The following LRP1B variants were observed in gnomAD, a reference collection of about 807,000 sequenced individuals.
LRP1B encodes LDL receptor related protein 1B, also known as low-density lipoprotein receptor-related protein 1B.
Under a neutral mutation model 556.6 loss-of-function variants are expected in LRP1B, and 217 were observed. The observed-to-expected ratio is 0.39, with a 90% CI of 0.35 to 0.44. The LOEUF (loss-of-function observed/expected upper bound fraction) is 0.44. LRP1B is among the 20% of genes least tolerant of loss of function. The pLI is 1.00. For synonymous variants in LRP1B, 2,047 were observed against 1,865.8 expected, an observed-to-expected ratio of 1.10 and a Z score of -2.50; for missense variants, 5,053 against 5,620.8, an observed-to-expected ratio of 0.90 and a Z score of 3.23.
In LRP1B at chr2:141,507,463, G is replaced by C. The variant is rs1212676766; in HGVS notation, c.206-26930C>G. On this transcript the variant is annotated intron_variant, in intron 2 of 90. Transcript: ENST00000389484. Reference sequence around the variant, plus strand: ...TATTCAAGCAAAATTATTCATATCTGTGTGAGGAAAGGATATCTAATATAA... The same window carrying C: ...TATTCAAGCAAAATTATTCATATCTCTGTGAGGAAAGGATATCTAATATAA... Among the ~76,000 whole-genome samples, 3 of 152,140 alleles carry C rather than the reference G, an allele frequency of 2.0e-5. No homozygotes were observed. In the East Asian group the frequency reaches 5.8e-4, roughly 29 times the overall value.
At position 140,598,694 on chromosome 2, in the gene LRP1B, C is replaced by G. The variant is rs1682536801; in HGVS notation, c.7131G>C (p.Leu2377=). Reference sequence around the variant, plus strand: ...TTCCTAGACTGCCATCTGAGAAATACAGCTTCTCTGCACGGTAGTCGATAG... The same window carrying G: ...TTCCTAGACTGCCATCTGAGAAATAGAGCTTCTCTGCACGGTAGTCGATAG... ...GLTIDYRAEK[L]YFSDGSLGKI... The change falls in exon 43 of 91, where the codon CTG becomes CTC. Residue 2377 remains leucine (L), a synonymous_variant. Coordinates refer to ENST00000389484, the MANE Select transcript of LRP1B (RefSeq NM_018557.3). 6.2e-7 allele frequency: 1 copy of G among 1,613,656 alleles called. No homozygotes were observed. The highest frequency in any genetic ancestry group is 1.3e-5 in the African/African-American group (1 of 74,888).
chr2:141,177,555 T>G (rs1274024823), intron 7 of LRP1B, among the ~76,000 whole-genome samples: 1 of 152,166 alleles, frequency 6.6e-6, no homozygotes, highest in East Asian at 1.9e-4. Flanking sequence ...CCTGCAGATT[T>G]AAAGAAATAA....
intron 66 of LRP1B, among the ~76,000 whole-genome samples, chr2:140,426,438 T>C (rs953113541): frequency 3.3e-5 from 5 of 152,184 alleles, no homozygotes; most frequent in Admixed American, 2.0e-4. Context: ...CCCTGTGACC[T>C]GCATTTACAC....
At chr2:142,023,049 G>T (rs986399122) in intron 1 of LRP1B, among the ~76,000 whole-genome samples, 4 of 152,116 alleles carry the variant, frequency 2.6e-5, no homozygotes, top group African/African-American at 9.7e-5. Context: ...TACTGCAAAG[G>T]CTCAAACAGC....
intron 6 of LRP1B, among the ~76,000 whole-genome samples, chr2:141,196,864 C>T (rs1269548191): frequency 6.6e-6 from 1 of 152,014 alleles, no homozygotes; most frequent in Non-Finnish European, 1.5e-5. Context: ...ATTAAATTCC[C>T]TGTTTTCTGC....
chr2:141,349,992 T>C (rs990323291), intron 3 of LRP1B, among the ~76,000 whole-genome samples: 3 of 152,084 alleles, frequency 2.0e-5, no homozygotes, highest in African/African-American at 7.2e-5. Context: ...CACACAATCA[T>C]GCCAGAAGGT....
At chr2:141,456,993 G>A (rs868248475) in intron 3 of LRP1B, among the ~76,000 whole-genome samples, 3 of 152,272 alleles carry the variant, frequency 2.0e-5, no homozygotes, top group Admixed American at 6.5e-5. Context: ...TAGTAAGATG[G>A]CTTTTCTGAC....
chr2:141,673,926 TTAAAAATA>T (rs1253091288), intron 2 of LRP1B, among the ~76,000 whole-genome samples: 1 of 151,932 alleles, frequency 6.6e-6, no homozygotes, highest in African/African-American at 2.4e-5. Flanking sequence ...AGCTGCAAAT[TTAAAAATA>T]ATACCCTTAA....
chr2:140,923,901 A>T (rs1203055866), intron 20 of LRP1B, among the ~76,000 whole-genome samples: 1 of 152,042 alleles, frequency 6.6e-6, no homozygotes, highest in African/African-American at 2.4e-5. Context: ...TGGGATACAG[A>T]TGTTTGGCAG....
intron 1 of LRP1B, among the ~76,000 whole-genome samples, chr2:141,856,690 A>AT (rs1369548970): frequency 1.3e-5 from 2 of 152,268 alleles, no homozygotes; most frequent in Non-Finnish European, 2.9e-5. Flanking sequence ...GGTGATGCAC[A>AT]TTAGAAGAGA....
At position 140,627,799 on chromosome 2, in the gene LRP1B, T is replaced by C. The variant is rs781705698; in HGVS notation, c.6800-26160A>G. ...GAGTAAGGAGGAAAAATCATGAAAT[T>C]GGTATCTGTAAGACACTCTTTGCCA... is the stretch of plus-strand genomic sequence containing the variant. On this transcript the variant is annotated intron_variant, in intron 41 of 90. Coordinates refer to ENST00000389484, the MANE Select transcript of LRP1B (RefSeq NM_018557.3). Among the ~76,000 whole-genome samples the C allele has an allele frequency of 6.7e-4, 102 of 152,192 alleles. 1 individual carries two copies. The highest frequency in any genetic ancestry group is 1.6e-4 in the Non-Finnish European group (11 of 68,042).
chr2:141,776,728 G>A (rs1695090987), intron 2 of LRP1B, among the ~76,000 whole-genome samples: 1 of 152,188 alleles, frequency 6.6e-6, no homozygotes, highest in Non-Finnish European at 1.5e-5. Context: ...ACAGTATCTA[G>A]AGGGATGGTA....
chr2:141,998,687 T>G (rs1340928998), intron 1 of LRP1B, among the ~76,000 whole-genome samples: 2 of 152,006 alleles, frequency 1.3e-5, no homozygotes, highest in East Asian at 3.9e-4. Context: ...TATAAGACAA[T>G]CAATACACAT....
At chr2:140,928,604 T>C (rs35025241) in intron 20 of LRP1B, among the ~76,000 whole-genome samples, 5,025 of 152,206 alleles carry the variant, frequency 0.033, 92 homozygotes, top group African/African-American at 0.053. Context: ...GGCCCCATCT[T>C]ATTGGTCCCA....
At chr2:140,548,635 A>G (rs1680434147) in intron 43 of LRP1B, among the ~76,000 whole-genome samples, 1 of 152,102 alleles carries the variant, frequency 6.6e-6, no homozygotes, top group South Asian at 2.1e-4. Flanking sequence ...CTATCAAAAT[A>G]TAAATTGTCA....
At chr2:140,793,144 G>T in intron 32 of LRP1B, among the ~76,000 whole-genome samples, 2 of 151,796 alleles carry the variant, frequency 1.3e-5, no homozygotes, top group African/African-American at 4.8e-5. Context: ...TTTAAGTAAG[G>T]CTTTAAACTT....
intron 3 of LRP1B, among the ~76,000 whole-genome samples, chr2:141,441,612 T>C (rs1312046683): frequency 2.6e-5 from 4 of 152,230 alleles, no homozygotes; most frequent in Non-Finnish European, 5.9e-5. Flanking sequence ...TTTAAAAATG[T>C]AAACAAATAA....
intron 1 of LRP1B, among the ~76,000 whole-genome samples, chr2:141,858,604 T>G (rs2105784544): frequency 2.0e-5 from 3 of 152,230 alleles, no homozygotes; most frequent in Middle Eastern, 6.8e-3. Context: ...TAAGGACTAT[T>G]ACTGTTATTT....
chr2:140,775,467 ATTTTTTTTTTTTTTT>A (rs61535948), intron 33 of LRP1B, among the ~76,000 whole-genome samples: 1 of 111,188 alleles, frequency 9.0e-6, no homozygotes, highest in Admixed American at 1.1e-4. Context: ...TTTTTGGTTG[ATTTTTTTTTTTTTTT>A]TTTTTTTTAG....
Sources: gnomAD v4.1 joint callset for allele counts (sites outside exome capture counted in the v4.1 genomes callset) on GRCh38, gnomAD v4.1.1 for gene constraint, MANE v1.5 for transcripts, NCBI Gene and HGNC (gene_info 2026-07-23, HGNC 2026-07-21) for gene names.